Variants in KCNQ1 observed in about 807,000 individuals in gnomAD.
The protein encoded by KCNQ1 is potassium voltage-gated channel subfamily Q member 1, also known as potassium voltage-gated channel subfamily KQT member 1.
A neutral mutation model predicts 72.4 loss-of-function variants in KCNQ1; 49 were observed. That is an observed-to-expected ratio of 0.68 (90% confidence interval 0.54 to 0.86). KCNQ1 has a LOEUF of 0.86. KCNQ1 is among the 40% of genes least tolerant of loss of function. The pLI, the probability that KCNQ1 is intolerant of heterozygous loss-of-function variation, is 0.00. For missense variants in KCNQ1, 790 were observed against 945.1 expected, an observed-to-expected ratio of 0.84 and a Z score of 2.15; for synonymous variants, 450 against 412.6, an observed-to-expected ratio of 1.09 and a Z score of -1.10.
rs370289805 is a variant in KCNQ1 at position 2,730,243 on chromosome 11, A to T, written c.1515-38601A>T. 6.6e-5 allele frequency among the ~76,000 whole-genome samples: 10 copies of T among 152,226 alleles called. No homozygotes were observed. The East Asian group carries it at 1.3e-3, about 21-fold the overall frequency. On this transcript the variant is annotated intron_variant, in intron 11 of 15. Transcript: ENST00000155840. ...ACCAGGAGGGCGAGGAGGAAGTAGT[A>T]GATTCAGGACTGTTTTGAGAGGGAC...
rs1850871690 is a variant in KCNQ1, at chr11:2,704,333, G to A, written c.1514+42252G>A. Among the ~76,000 whole-genome samples, 1 of 152,208 alleles carries A rather than the reference G, an allele frequency of 6.6e-6. No individual in the cohort carries two copies. The highest frequency in any genetic ancestry group is 6.5e-5 in the Admixed American group (1 of 15,290). The stretch of plus-strand genomic sequence containing the variant: ...ATGGTTTCAGGTACATGGGCCTGTT[G>A]TCAACTCTGTTCCCACTGAGCCCAT... On this transcript the variant is annotated intron_variant, in intron 11 of 15. Transcript: ENST00000155840. This position sits in a 1 kb window ranked among gnomAD's most constrained non-coding sequence, Gnocchi z 4.3.
At chr11:2,805,879 C>T (rs1847361575) in intron 15 of KCNQ1, among the ~76,000 whole-genome samples, 1 of 152,240 alleles carries the variant, frequency 6.6e-6, no homozygotes, top group Non-Finnish European at 1.5e-5. Context: ...CATAATCCTC[C>T]TTCCAGGATT....
In KCNQ1 at chr11:2,464,173, G is replaced by A. The variant is rs914991526; in HGVS notation, c.386+18689G>A. On this transcript the variant is annotated intron_variant, in intron 1 of 15. Transcript: ENST00000155840. The surrounding 1 kb of genome is among the most constrained non-coding windows in gnomAD (Gnocchi z 5.0). ...CATCAGCAGATACAAGCTGTACGCA[G>A]TGGGCCGCAGGCGCTCCCTGGGCCG... Among the ~76,000 whole-genome samples, 5 of 152,190 alleles carry A rather than the reference G, an allele frequency of 3.3e-5. No homozygotes were observed. Among genetic ancestry groups the A allele is most frequent in the African/African-American group, 1.2e-4 (5 of 41,434 alleles).
intron 11 of KCNQ1, among the ~76,000 whole-genome samples, chr11:2,760,076 G>C (rs1446727453): frequency 1.3e-5 from 2 of 152,230 alleles, no homozygotes; most frequent in Non-Finnish European, 1.5e-5. Flanking sequence ...ATGGCCCCCA[G>C]TGACGTGTGT....
rs1335590056 is a variant in KCNQ1 at position 2,683,127 on chromosome 11, GA to G, written c.1514+21047del. On this transcript the variant is annotated intron_variant, in intron 11 of 15. Transcript: ENST00000155840. This position sits in a 1 kb window ranked among gnomAD's most constrained non-coding sequence, Gnocchi z 4.7. Reference sequence around the variant, plus strand: ...CCCAGGATATATCGCACCAACTCAGGAGGGTGTGGGGATGGGCTAGCATTAG... The same window carrying G: ...CCCAGGATATATCGCACCAACTCAGGGGGTGTGGGGATGGGCTAGCATTAG... 5.9e-6 allele frequency: 2 copies of G among 338,248 alleles called. No individual in the cohort carries two copies. The highest frequency in any genetic ancestry group is 9.5e-6 in the Non-Finnish European group (2 of 210,444). 21.0% of individuals were successfully genotyped at this position (338,248 alleles called of 1,614,324 possible). A position where few individuals can be genotyped will look rare whatever the true frequency, so the allele number is the denominator to read the frequency against.
At chr11:2,560,163 G>T (rs1377626051) in intron 2 of KCNQ1, among the ~76,000 whole-genome samples, 28 of 123,354 alleles carry the variant, frequency 2.3e-4, no homozygotes, top group African/African-American at 8.4e-4. Flanking sequence ...GGGGAATGAG[G>T]GGGGTGATGT....
chr11:2,447,649 C>T lies in KCNQ1; in HGVS notation c.386+2165C>T, dbSNP rs541215241. ...CCTCACGAAATCAGGTCCAGCCTTG[C>T]GCCAGTCCAGCCTTGTGTTGCTGTA... On this transcript the variant is annotated intron_variant, in intron 1 of 15. Transcript: ENST00000155840. This position sits in a 1 kb window ranked among gnomAD's most constrained non-coding sequence, Gnocchi z 7.6. Among the ~76,000 whole-genome samples the T allele has an allele frequency of 1.6e-4, 25 of 152,292 alleles. No individual in the cohort carries two copies. The highest frequency in any genetic ancestry group is 3.9e-4 in the Admixed American group (6 of 15,302).
rs992406367 is a variant in KCNQ1, at chr11:2,508,023, G to T, written c.387-19905G>T. ...CTGGGTCCTGGTGGGTCCCAGCCCC[G>T]TACATGGAGGCTGGGACCCTGCCCT... is the stretch of plus-strand genomic sequence containing the variant. On this transcript the variant is annotated intron_variant, in intron 1 of 15. Coordinates refer to ENST00000155840, the MANE Select transcript of KCNQ1 (RefSeq NM_000218.3). The surrounding 1 kb of genome is among the most constrained non-coding windows in gnomAD (Gnocchi z 6.2). 6.6e-6 allele frequency among the ~76,000 whole-genome samples: 1 copy of T among 151,584 alleles called. No individual in the cohort carries two copies. The highest frequency in any genetic ancestry group is 1.5e-5 in the Non-Finnish European group (1 of 67,860).
At position 2,642,966 on chromosome 11, in the gene KCNQ1, T is replaced by C. The variant is rs756041188; in HGVS notation, c.1394-18995T>C. 16 of 397,852 alleles carry C rather than the reference T, an allele frequency of 4.0e-5. No homozygotes were observed. The highest frequency in any genetic ancestry group is 2.5e-4 in the South Asian group (2 of 7,856). 24.6% of individuals were successfully genotyped at this position (397,852 alleles called of 1,614,324 possible). A position where few individuals can be genotyped will look rare whatever the true frequency, so the allele number is the denominator to read the frequency against. On this transcript the variant is annotated intron_variant, in intron 10 of 15. Transcript: ENST00000155840. The surrounding 1 kb of genome is among the most constrained non-coding windows in gnomAD (Gnocchi z 4.3). ...TTAATTTCCATTTATTTATACAGTT[T>C]TGAATGCTCCTCTTATTTATTTATA...
rs979659492 is a variant in KCNQ1, at chr11:2,707,587, G to T, written c.1514+45506G>T. Among the ~76,000 whole-genome samples the T allele has an allele frequency of 3.9e-5, 6 of 152,166 alleles. No homozygotes were observed. The East Asian group carries it at 1.2e-3, about 29-fold the overall frequency. On this transcript the variant is annotated intron_variant, in intron 11 of 15. Transcript: ENST00000155840. Reference sequence around the variant, plus strand: ...CCTGGACCCAGGAGAGCGATAAATGGATGTGCACTGGCACACTCCAAGCAG... The same window carrying T: ...CCTGGACCCAGGAGAGCGATAAATGTATGTGCACTGGCACACTCCAAGCAG...
At chr11:2,736,893 G>T (rs1332116950) in intron 11 of KCNQ1, among the ~76,000 whole-genome samples, 1 of 152,302 alleles carries the variant, frequency 6.6e-6, no homozygotes, top group East Asian at 1.9e-4. Flanking sequence ...GGGGAGTGGC[G>T]CAGAGCCTGG....
rs1850006798 is a variant in KCNQ1 at position 2,663,496 on chromosome 11, G to C, written c.1514+1415G>C. ...GGCTCATGTTGTGTGCAATACAGGT[G>C]GCAGTGCCTGTATTGCCTCTTGGCT... On this transcript the variant is annotated intron_variant, in intron 11 of 15. Transcript: ENST00000155840. The surrounding 1 kb of genome is among the most constrained non-coding windows in gnomAD (Gnocchi z 5.2). 5.0e-6 allele frequency: 2 copies of C among 398,680 alleles called. No individual in the cohort carries two copies. Among genetic ancestry groups the C allele is most frequent in the African/African-American group, 2.1e-5 (1 of 48,754 alleles). The allele number at this position is 398,680 out of a possible 1,614,324, so 24.7% of individuals were successfully genotyped here. A position where few individuals can be genotyped will look rare whatever the true frequency, so the allele number is the denominator to read the frequency against.
intron 5 of KCNQ1, among the ~76,000 whole-genome samples, chr11:2,572,626 G>T (rs1848354267): frequency 6.6e-6 from 1 of 152,206 alleles, no homozygotes; most frequent in Admixed American, 6.5e-5. Flanking sequence ...TGGGCCTAGG[G>T]CGACCCCAGG....
rs1846218154 is a variant in KCNQ1, at chr11:2,457,784, T to C, written c.386+12300T>C. ...GTACCTCCTGAACCTATTAAAAAAG[T>C]TGAATAAAATGGAAACTTTTGGCAT... On this transcript the variant is annotated intron_variant, in intron 1 of 15. Coordinates refer to ENST00000155840, the MANE Select transcript of KCNQ1 (RefSeq NM_000218.3). This position sits in a 1 kb window ranked among gnomAD's most constrained non-coding sequence, Gnocchi z 5.0. 6.6e-6 allele frequency among the ~76,000 whole-genome samples: 1 copy of C among 151,112 alleles called. No individual in the cohort carries two copies.
chr11:2,662,696 C>T (rs558746004), intron 11 of KCNQ1: 65 of 402,642 alleles, frequency 1.6e-4, no homozygotes, highest in African/African-American at 1.1e-3. Flanking sequence ...CGGTGACAGC[C>T]GTGCAGCGGG....
intron 8 of KCNQ1, among the ~76,000 whole-genome samples, chr11:2,587,215 C>A (rs770574775): frequency 6.6e-6 from 1 of 152,208 alleles, no homozygotes; most frequent in Non-Finnish European, 1.5e-5. Flanking sequence ...CTCCTATGCA[C>A]GCTGTGTACC....
At chr11:2,773,427 C>T (rs1382087897) in intron 12 of KCNQ1, among the ~76,000 whole-genome samples, 4 of 151,834 alleles carry the variant, frequency 2.6e-5, no homozygotes, top group Admixed American at 2.6e-4. Flanking sequence ...CTCGGCATCC[C>T]ATCTTATAGA....
Position 2,710,814 on chromosome 11 carries a change from C to A in KCNQ1, c.1514+48733C>A, listed in dbSNP as rs1232559994. ...ATATGAAGGTTTATTTCTGGATTCT[C>A]AATTTTATTCTATTGATTTGTTTGT... On this transcript the variant is annotated intron_variant, in intron 11 of 15. Coordinates refer to ENST00000155840, the MANE Select transcript of KCNQ1 (RefSeq NM_000218.3). This position sits in a 1 kb window ranked among gnomAD's most constrained non-coding sequence, Gnocchi z 4.1. Among the ~76,000 whole-genome samples the A allele has an allele frequency of 6.6e-6, 1 of 152,198 alleles. No individual in the cohort carries two copies. Among genetic ancestry groups the A allele is most frequent in the African/African-American group, 2.4e-5 (1 of 41,438 alleles).
Position 2,661,099 on chromosome 11 carries a change from C to A in KCNQ1, c.1394-862C>A. The A allele has an allele frequency of 2.5e-6, 1 of 398,450 alleles. No individual in the cohort carries two copies. The highest frequency in any genetic ancestry group is 4.4e-6 in the Non-Finnish European group (1 of 226,054). The allele number at this position is 398,450 out of a possible 1,614,324, so 24.7% of individuals were successfully genotyped here. On this transcript the variant is annotated intron_variant, in intron 10 of 15. Transcript: ENST00000155840. This position sits in a 1 kb window ranked among gnomAD's most constrained non-coding sequence, Gnocchi z 5.9. Reference sequence around the variant, plus strand: ...ACATCCCATGTGCATAAAAGCAACTCCCACCTGGCATCTGCTGCTCGGATG... The same window carrying A: ...ACATCCCATGTGCATAAAAGCAACTACCACCTGGCATCTGCTGCTCGGATG...
Sources: allele counts gnomAD v4.1 joint callset (sites outside exome capture counted in the v4.1 genomes callset), GRCh38; gene constraint gnomAD v4.1.1; non-coding constraint Gnocchi (gnomAD v3.1); transcripts MANE v1.5; gene names NCBI Gene and HGNC (gene_info 2026-07-23, HGNC 2026-07-21).